Variants in FGD4 observed in about 807,000 individuals in gnomAD.
FGD4 encodes FYVE, RhoGEF and PH domain-containing protein 4.
In FGD4, 42 loss-of-function variants were observed where a neutral mutation model predicts 102.0. The ratio of observed to expected loss-of-function variants is 0.41; its 90% CI spans 0.32 to 0.53. The LOEUF is 0.53. FGD4 is among the 20% of genes least tolerant of loss of function. The pLI, the probability that FGD4 is intolerant of heterozygous loss-of-function variation, is 0.21. For synonymous variants in FGD4, 380 were observed against 375.7 expected, an observed-to-expected ratio of 1.01 and a Z score of -0.13; for missense variants, 902 against 1,078.2, an observed-to-expected ratio of 0.84 and a Z score of 2.29.
chr12:32,476,434 T>A (rs1943586409), intron 1 of FGD4, among the ~76,000 whole-genome samples: 2 of 152,226 alleles, frequency 1.3e-5, no homozygotes, highest in African/African-American at 4.8e-5. Context: ...ATTTCCAAGA[T>A]ACCTTAATTA....
intron 1 of FGD4, among the ~76,000 whole-genome samples, chr12:32,461,732 TG>T (rs1943109005): frequency 2.0e-5 from 3 of 152,264 alleles, no homozygotes; most frequent in Admixed American, 6.5e-5. Context: ...TCAGTTTGTT[TG>T]TTTTTGTTTT....
intron 7 of FGD4, among the ~76,000 whole-genome samples, chr12:32,604,448 A>G (rs374187239): frequency 1.9e-4 from 29 of 152,062 alleles, no homozygotes; most frequent in East Asian, 9.7e-4. Flanking sequence ...TCTTTGTTCT[A>G]TTATTCAGAT....
chr12:32,552,205 A>G (rs549964516), intron 1 of FGD4, among the ~76,000 whole-genome samples: 1 of 152,282 alleles, frequency 6.6e-6, no homozygotes, highest in East Asian at 1.9e-4. Flanking sequence ...ATCCCTGTAG[A>G]CACAGAGTAA....
intron 11 of FGD4, among the ~76,000 whole-genome samples, chr12:32,623,214 A>C (rs1323436587): frequency 6.6e-6 from 1 of 152,196 alleles, no homozygotes; most frequent in Non-Finnish European, 1.5e-5. Context: ...ACCATAACTA[A>C]AAACTAAAAC....
chr12:32,507,073 TC>T (rs1393593983), intron 1 of FGD4, among the ~76,000 whole-genome samples: 5 of 88,074 alleles, frequency 5.7e-5, no homozygotes, highest in Admixed American at 1.4e-4. Flanking sequence ...AAGCTATCCC[TC>T]CCCCCTCCCC....
intron 1 of FGD4, among the ~76,000 whole-genome samples, chr12:32,551,053 A>G (rs1416470318): frequency 6.6e-6 from 1 of 152,218 alleles, no homozygotes; most frequent in Non-Finnish European, 1.5e-5. Context: ...AGTTTGCAAG[A>G]GTCATGATTT....
intron 1 of FGD4, among the ~76,000 whole-genome samples, chr12:32,453,200 T>A (rs1387849550): frequency 1.1e-4 from 7 of 64,590 alleles, no homozygotes; most frequent in Admixed American, 4.0e-4. Context: ...TATATATATA[T>A]TATATATATA....
chr12:32,618,251 G>C (rs1311390823), intron 10 of FGD4, among the ~76,000 whole-genome samples: 1 of 152,164 alleles, frequency 6.6e-6, no homozygotes, highest in African/African-American at 2.4e-5. Flanking sequence ...GAACAATTTG[G>C]TTATTGTTGG....
At chr12:32,611,894 CAG>C (rs892096360) in intron 10 of FGD4, among the ~76,000 whole-genome samples, 3 of 152,220 alleles carry the variant, frequency 2.0e-5, no homozygotes, top group Non-Finnish European at 4.4e-5. Flanking sequence ...CCTGTGCTCT[CAG>C]GGGCCCGGGA....
chr12:32,472,686 G>A (rs369415985), intron 1 of FGD4, among the ~76,000 whole-genome samples: 1 of 152,248 alleles, frequency 6.6e-6, no homozygotes, highest in Non-Finnish European at 1.5e-5. Context: ...AGTGCGGGGC[G>A]CAGGACTGGC....
intron 1 of FGD4, among the ~76,000 whole-genome samples, chr12:32,518,347 A>T (rs1940117751): frequency 6.6e-6 from 1 of 152,208 alleles, no homozygotes. Flanking sequence ...TACTGGTGGC[A>T]CATGCCGGTA....
At chr12:32,407,196 G>T (rs930301373) in intron 1 of FGD4, among the ~76,000 whole-genome samples, 2 of 145,024 alleles carry the variant, frequency 1.4e-5, no homozygotes, top group African/African-American at 5.2e-5. Context: ...CACGATCTCG[G>T]CTCACTGCAA....
chr12:32,453,200 T>TTATATATATATATATATATA (rs1209887127), intron 1 of FGD4, among the ~76,000 whole-genome samples: 34 of 64,588 alleles, frequency 5.3e-4, no homozygotes, highest in African/African-American at 1.6e-3. Flanking sequence ...TATATATATA[T>TTATATATATATATATATATA]TATATATATA....
At chr12:32,498,298 C>T (rs10844222) in intron 1 of FGD4, among the ~76,000 whole-genome samples, 42,123 of 152,064 alleles carry the variant, frequency 0.28, 6,441 homozygotes, top group Middle Eastern at 0.46. Flanking sequence ...AGACAGTTCC[C>T]TTTTAAAAAA....
rs7970584 is a variant in FGD4 at position 32,625,105 on chromosome 12, A to G, written c.2046+37A>G. The G allele has an allele frequency of 0.33, 501,303 of 1,534,100 alleles. 83,903 individuals carry two copies. The highest frequency in any genetic ancestry group is 0.42 in the South Asian group (37,434 of 89,118). ...TAAATTCTTAACTTCAACCTCTTTC[A>G]TATCTTTGCAGGTGTAGAAGATCTG... On this transcript the variant is annotated intron_variant, in intron 13 of 16. Coordinates refer to ENST00000534526, the MANE Select transcript of FGD4 (RefSeq NM_001370298.3).
chr12:32,545,635 T>C (rs1242599765), intron 1 of FGD4, among the ~76,000 whole-genome samples: 2 of 152,186 alleles, frequency 1.3e-5, no homozygotes, highest in East Asian at 3.8e-4. Flanking sequence ...AGATCCCTGA[T>C]TGAGGATTGT....
chr12:32,480,757 C>G (rs576329271), intron 1 of FGD4, among the ~76,000 whole-genome samples: 2 of 150,854 alleles, frequency 1.3e-5, no homozygotes, highest in South Asian at 2.1e-4. Flanking sequence ...CCTTGGCCCC[C>G]CAAAGTGCTG....
Position 32,582,241 on chromosome 12 carries a change from C to T in FGD4, c.785C>T (p.Thr262Met), listed in dbSNP as rs200732890. 605 of 1,614,206 alleles carry T rather than the reference C, an allele frequency of 3.7e-4. 1 individual carries two copies. The East Asian group carries it at 0.01, about 28-fold the overall frequency. ...CAAGCTTCTGAACCCTTGCTTGATA[C>T]GCACATAGTGAATGGAGAAAGAGAT... ...SIQASEPLLD[T>M]HIVNGERDET... The change falls in exon 4 of 17, where the codon ACG becomes ATG. Residue 262 changes from threonine to methionine, a missense_variant. By Grantham distance (81) the Thr-to-Met change is moderately conservative (BLOSUM62 -1). Coordinates refer to ENST00000534526, the MANE Select transcript of FGD4 (RefSeq NM_001370298.3).
Position 32,424,599 on chromosome 12 carries a change from C to T in FGD4, c.166+24640C>T, listed in dbSNP as rs148665941. Reference sequence around the variant, plus strand: ...GGGTATATGCCCGATAATGGGATTGCTGGGTCAAACAGTATTTCTGGTCCT... The same window carrying T: ...GGGTATATGCCCGATAATGGGATTGTTGGGTCAAACAGTATTTCTGGTCCT... On this transcript the variant is annotated intron_variant, in intron 1 of 16. Coordinates refer to ENST00000534526, the MANE Select transcript of FGD4 (RefSeq NM_001370298.3). 6.8e-3 allele frequency among the ~76,000 whole-genome samples: 1,031 copies of T among 152,222 alleles called. 14 individuals are homozygous for T. The highest frequency in any genetic ancestry group is 0.024 in the African/African-American group (997 of 41,514).
Sources: allele counts gnomAD v4.1 joint callset (sites outside exome capture counted in the v4.1 genomes callset), GRCh38; gene constraint gnomAD v4.1.1; transcripts MANE v1.5; gene names NCBI Gene and HGNC (gene_info 2026-07-23, HGNC 2026-07-21).